PAPPA2: variants seen among roughly 807,000 people sequenced by gnomAD.
The protein encoded by PAPPA2 is pappalysin-2.
Under a neutral mutation model 176.4 loss-of-function variants are expected in PAPPA2, and 86 were observed. The observed-to-expected ratio is 0.49, with a 90% CI of 0.41 to 0.58. The LOEUF is 0.58. Ranked by LOEUF, PAPPA2 falls within the 20% of genes least tolerant of loss-of-function variation. The pLI is 0.00. For missense variants in PAPPA2, 2,073 were observed against 2,256.9 expected (o/e 0.92, Z 1.65); for synonymous variants, 809 against 852.2 (o/e 0.95, Z 0.88).
chr1:176,519,966 G>A (rs1244525649), intron 1 of PAPPA2, among the ~76,000 whole-genome samples: 1 of 152,088 alleles, frequency 6.6e-6, no homozygotes, highest in Middle Eastern at 3.2e-3. Context: ...TGAGAAGCTT[G>A]GACTGGGAAA....
At chr1:176,820,429 G>T (rs1256317831) in intron 21 of PAPPA2, among the ~76,000 whole-genome samples, 2 of 152,162 alleles carry the variant, frequency 1.3e-5, no homozygotes, top group East Asian at 1.9e-4. Context: ...CTAACCCATG[G>T]TGAGAGGCCG....
At chr1:176,658,597 G>T (rs1658154062) in intron 3 of PAPPA2, among the ~76,000 whole-genome samples, 1 of 151,946 alleles carries the variant, frequency 6.6e-6, no homozygotes, top group Non-Finnish European at 1.5e-5. Flanking sequence ...TTATAGAAAA[G>T]AGGCCTTGAA....
chr1:176,614,576 G>A (rs1655103647), intron 3 of PAPPA2, among the ~76,000 whole-genome samples: 1 of 152,162 alleles, frequency 6.6e-6, no homozygotes, highest in Non-Finnish European at 1.5e-5. Context: ...AGGGTTTCAA[G>A]TATGAGTTTT....
chr1:176,564,022 G>A (rs1651816373), intron 2 of PAPPA2, among the ~76,000 whole-genome samples: 1 of 152,018 alleles, frequency 6.6e-6, no homozygotes, highest in African/African-American at 2.4e-5. Context: ...AATGACTGAT[G>A]TCTCTCCCAG....
chr1:176,742,845 T>C (rs1662747096), intron 14 of PAPPA2, among the ~76,000 whole-genome samples: 1 of 152,132 alleles, frequency 6.6e-6, no homozygotes, highest in Admixed American at 6.6e-5. Context: ...ATTCCACTGA[T>C]ACTTACATGG....
chr1:176,546,751 A>C (rs958184128), intron 1 of PAPPA2, among the ~76,000 whole-genome samples: 3 of 152,246 alleles, frequency 2.0e-5, no homozygotes, highest in Non-Finnish European at 4.4e-5. Flanking sequence ...TAATGAAAAT[A>C]CTTAACCACA....
intron 3 of PAPPA2, among the ~76,000 whole-genome samples, chr1:176,650,143 T>G (rs370712296): frequency 1.3e-5 from 2 of 151,626 alleles, no homozygotes; most frequent in South Asian, 2.1e-4. Flanking sequence ...TGTCATTATA[T>G]GGTAACCTTC....
At chr1:176,479,681 T>G (rs1196467127) in intron 1 of PAPPA2, among the ~76,000 whole-genome samples, 1 of 152,228 alleles carries the variant, frequency 6.6e-6, no homozygotes, top group Non-Finnish European at 1.5e-5. Flanking sequence ...CCTTGCACTT[T>G]TCTTCTTGTC....
intron 7 of PAPPA2, among the ~76,000 whole-genome samples, chr1:176,696,314 G>GT (rs1164572507): frequency 1.3e-5 from 2 of 149,032 alleles, no homozygotes; most frequent in East Asian, 3.9e-4. Flanking sequence ...CTGGGTGGGG[G>GT]TGGGGGGACC....
intron 4 of PAPPA2, among the ~76,000 whole-genome samples, chr1:176,689,649 C>G (rs1392007619): frequency 6.6e-6 from 1 of 152,182 alleles, no homozygotes; most frequent in Non-Finnish European, 1.5e-5. Context: ...GTCCTCAAAG[C>G]TGGGATGTGG....
rs1251577866 is a variant in PAPPA2, at chr1:176,555,544, C to T, written c.-779C>T. 1 of 152,258 alleles carries T rather than the reference C, an allele frequency of 6.6e-6. No homozygotes were observed. Among genetic ancestry groups the T allele is most frequent in the Non-Finnish European group, 1.5e-5 (1 of 68,090 alleles). The allele number at this position is 152,258 out of a possible 1,614,324, so 9.4% of individuals were successfully genotyped here. ...AGTTGGATGAGGGATTAAAAGCCTT[C>T]AACAACCAACAACCCCAAGCATCAA... On this transcript the variant is annotated 5_prime_UTR_variant, in exon 2 of 23. Transcript: ENST00000367662.
At chr1:176,738,571 A>G (rs1662525818) in intron 12 of PAPPA2, among the ~76,000 whole-genome samples, 1 of 152,110 alleles carries the variant, frequency 6.6e-6, no homozygotes. Context: ...GAGCTTCATC[A>G]CCCTTAGAAC....
At chr1:176,719,155 C>T (rs1661505582) in intron 12 of PAPPA2, among the ~76,000 whole-genome samples, 2 of 151,818 alleles carry the variant, frequency 1.3e-5, no homozygotes, top group Admixed American at 6.6e-5. Context: ...AAGTTGAAAC[C>T]TGCAACCTTA....
chr1:176,541,000 T>C (rs978729661), intron 1 of PAPPA2, among the ~76,000 whole-genome samples: 2 of 152,218 alleles, frequency 1.3e-5, no homozygotes, highest in Non-Finnish European at 2.9e-5. Flanking sequence ...CCAGAGTCAA[T>C]GATTGGAGTT....
intron 14 of PAPPA2, among the ~76,000 whole-genome samples, chr1:176,753,376 C>T (rs755280185): frequency 7.9e-5 from 12 of 152,208 alleles, no homozygotes; most frequent in Non-Finnish European, 1.0e-4. Context: ...TGCTGCTTTA[C>T]GGATTCCTAT....
At position 176,595,337 on chromosome 1, in the gene PAPPA2, G is replaced by A. The variant is rs369635751; in HGVS notation, c.1733G>A (p.Arg578Gln). Residue 578 changes from arginine (R) to glutamine (Q), a missense_variant, in exon 3 of 23, where the codon CGA becomes CAA. Arg to Gln is a conservative substitution (Grantham distance 43). This residue lies in a region of PAPPA2 where 1,196 missense variants were observed against 1,330.4 expected (regional missense o/e 0.90). Coordinates refer to ENST00000367662, the MANE Select transcript of PAPPA2 (RefSeq NM_020318.3). The part of the protein sequence containing the change: ...SVHQVHNSTL[R>Q]HRVVLVNCEP... ...CACCAGGTCCACAATTCCACCCTGC[G>A]ACACCGGGTTGTGCTTGTGAACTGT... 4.3e-6 allele frequency: 7 copies of A among 1,614,006 alleles called. No individual in the cohort carries two copies. The highest frequency in any genetic ancestry group is 2.2e-5 in the East Asian group (1 of 44,878).
chr1:176,692,945 CAACAGACACCTAATGT>C (rs1208683198), intron 6 of PAPPA2, among the ~76,000 whole-genome samples: 1 of 152,246 alleles, frequency 6.6e-6, no homozygotes, highest in African/African-American at 2.4e-5. Flanking sequence ...TGCCCTGCCA[CAACAGACACCTAATGT>C]GTGTTTGCTG....
intron 12 of PAPPA2, among the ~76,000 whole-genome samples, chr1:176,734,326 G>A (rs1325438147): frequency 6.6e-6 from 1 of 151,860 alleles, no homozygotes; most frequent in South Asian, 2.1e-4. Context: ...TCTACCCCTA[G>A]TTCGGGTGGG....
intron 4 of PAPPA2, among the ~76,000 whole-genome samples, chr1:176,672,334 G>T (rs551716451): frequency 1.0e-3 from 157 of 152,168 alleles, no homozygotes; most frequent in Non-Finnish European, 1.6e-3. Flanking sequence ...TGACTGGAAA[G>T]AATTTTATAA....
Sources: gnomAD v4.1 joint callset for allele counts (sites outside exome capture counted in the v4.1 genomes callset) on GRCh38, gnomAD v4.1.1 for gene constraint, gnomAD v4.1.1 regional missense constraint, MANE v1.5 for transcripts, NCBI Gene and HGNC (gene_info 2026-07-23, HGNC 2026-07-21) for gene names.